The following GLDC variants were observed in gnomAD, a reference collection of about 807,000 sequenced individuals.
The protein encoded by GLDC is glycine dehydrogenase (decarboxylating), mitochondrial.
GLDC carries 104 observed loss-of-function variants against 121.3 expected under a neutral mutation model. That is an observed-to-expected ratio of 0.86 (90% CI 0.73 to 1.01). GLDC has a LOEUF of 1.01. Among genes scored for constraint, GLDC ranks in the 50% least tolerant of loss-of-function variants. GLDC has a pLI of 0.00. For synonymous variants in GLDC, 546 were observed against 480.6 expected (o/e 1.14, Z -1.78); for missense variants, 1,429 against 1,306.6 (o/e 1.09, Z -1.44).
At chr9:6,555,651 G>C (rs1463305355) in intron 18 of GLDC, among the ~76,000 whole-genome samples, 1 of 151,960 alleles carries the variant, frequency 6.6e-6, no homozygotes, top group East Asian at 1.9e-4. Context: ...AATTAGCTGG[G>C]TGTGGCAGCA....
chr9:6,550,432 G>A (rs532470903), intron 21 of GLDC, among the ~76,000 whole-genome samples: 1 of 152,070 alleles, frequency 6.6e-6, no homozygotes, highest in South Asian at 2.1e-4. Context: ...TTCGAGACCA[G>A]CCTGGCCAAT....
intron 2 of GLDC, chr9:6,644,403 A>C (rs1056981596): frequency 3.3e-6 from 2 of 615,096 alleles, no homozygotes; most frequent in Non-Finnish European, 5.8e-6. Flanking sequence ...GAACCGCACA[A>C]CACCGACTCT....
intron 3 of GLDC, among the ~76,000 whole-genome samples, chr9:6,619,145 G>GAAAAAAAAAAAAAAA (rs1563864174): frequency 2.0e-4 from 6 of 30,194 alleles, no homozygotes; most frequent in African/African-American, 9.1e-4. Flanking sequence ...TCTGTCTCAG[G>GAAAAAAAAAAAAAAA]CAAAAAAAAA....
intron 15 of GLDC, chr9:6,569,095 G>A (rs1817904518): frequency 6.6e-6 from 1 of 152,052 alleles, no homozygotes; most frequent in Non-Finnish European, 1.5e-5. Flanking sequence ...ACAGTATTGT[G>A]ATGACTATAA....
chr9:6,602,956 G>A (rs1036563941), intron 7 of GLDC, among the ~76,000 whole-genome samples: 1 of 152,080 alleles, frequency 6.6e-6, no homozygotes, highest in Non-Finnish European at 1.5e-5. Context: ...AGCCGCGCAT[G>A]GTGGCTCATG....
chr9:6,561,364 GT>G (rs1308706452), intron 16 of GLDC, among the ~76,000 whole-genome samples: 2 of 152,118 alleles, frequency 1.3e-5, no homozygotes, highest in Non-Finnish European at 2.9e-5. Flanking sequence ...AAATTGTAGT[GT>G]TGGCCGGGCG....
intron 2 of GLDC, among the ~76,000 whole-genome samples, chr9:6,634,533 A>C (rs948591866): frequency 8.4e-6 from 1 of 119,760 alleles, no homozygotes; most frequent in African/African-American, 3.8e-5. Context: ...TGTCTCAAAC[A>C]AACAAACAAA....
intron 21 of GLDC, among the ~76,000 whole-genome samples, chr9:6,545,158 T>C (rs1437261298): frequency 6.6e-6 from 1 of 152,172 alleles, no homozygotes; most frequent in Admixed American, 6.5e-5. Context: ...TCTTTCCTCA[T>C]TCTAGCAGAA....
rs531648302 is a variant in GLDC at position 6,565,570 on chromosome 9, G to C, written c.1851-141C>G. 1.6e-5 allele frequency: 12 copies of C among 738,614 alleles called. No individual in the cohort carries two copies. The East Asian group carries it at 2.9e-4, about 18-fold the overall frequency. The allele number at this position is 738,614 out of a possible 1,614,324, so 45.8% of individuals were successfully genotyped here. ...CCAGACGCTGAGAGAAGCTCATCAAGGAGCTCTGCTGGAGTCAAAAGGTCT... is the reference window on the plus strand; with the variant it reads ...CCAGACGCTGAGAGAAGCTCATCAACGAGCTCTGCTGGAGTCAAAAGGTCT... On this transcript the variant is annotated intron_variant, in intron 15 of 24. Coordinates refer to ENST00000321612, the MANE Select transcript of GLDC (RefSeq NM_000170.3).
chr9:6,552,379 A>G (rs1315750721), intron 20 of GLDC, among the ~76,000 whole-genome samples: 1 of 152,202 alleles, frequency 6.6e-6, no homozygotes, highest in African/African-American at 2.4e-5. Context: ...GAACCCAGAG[A>G]TCAAAAGGGA....
At chr9:6,553,023 G>T (rs1817548000) in intron 20 of GLDC, among the ~76,000 whole-genome samples, 1 of 152,026 alleles carries the variant, frequency 6.6e-6, no homozygotes, top group Non-Finnish European at 1.5e-5. Context: ...ACTCGGAAGG[G>T]GCTATATAAA....
At chr9:6,595,242 A>G (rs927615117) in intron 8 of GLDC, 123 bp from the exon 9 acceptor site, 5 of 771,448 alleles carry the variant, frequency 6.5e-6, no homozygotes, top group African/African-American at 1.7e-5. Context: ...GATTTCCTAC[A>G]TTCTTTGATA....
At chr9:6,627,968 T>C (rs970833007) in intron 2 of GLDC, among the ~76,000 whole-genome samples, 9 of 152,162 alleles carry the variant, frequency 5.9e-5, no homozygotes, top group African/African-American at 2.2e-4. Flanking sequence ...TGAGTAACTT[T>C]GGTGTCAAGA....
intron 21 of GLDC, among the ~76,000 whole-genome samples, chr9:6,544,810 G>C (rs567609306): frequency 8.2e-4 from 125 of 152,050 alleles, no homozygotes; most frequent in Non-Finnish European, 1.3e-3. Flanking sequence ...CCTTTAAAAT[G>C]TATCAACTTG....
At position 6,606,644 on chromosome 9, in the gene GLDC, C is replaced by T. The variant is rs144043066; in HGVS notation, c.661G>A (p.Val221Ile). 103 of 1,607,292 alleles carry T rather than the reference C, an allele frequency of 6.4e-5. No homozygotes were observed. The highest frequency in any genetic ancestry group is 1.1e-4 in the African/African-American group (8 of 74,548). ...GTCTGTGGGTGGCAACGGGGATCAACGAGAAATTTCCTCCTCTTGTTGTGT... is the reference window on the plus strand; with the variant it reads ...GTCTGTGGGTGGCAACGGGGATCAATGAGAAATTTCCTCCTCTTGTTGTGT... ...YRHNKRRKFL[V>I]DPRCHPQTIA... is the part of the protein sequence containing the mutation. Residue 221 changes from valine (V) to isoleucine (I), a missense_variant, in exon 5 of 25, where the codon GTT becomes ATT. By Grantham distance (29) the Val-to-Ile change is conservative (BLOSUM62 3). Transcript: ENST00000321612.
intron 16 of GLDC, among the ~76,000 whole-genome samples, chr9:6,563,833 T>C (rs1476543291): frequency 6.6e-6 from 1 of 152,050 alleles, no homozygotes; most frequent in African/African-American, 2.4e-5. Flanking sequence ...TTTTCAAAGA[T>C]CTTTAGACAT....
rs79057118 is a variant in GLDC at position 6,604,710 on chromosome 9, G to C, written c.936C>G (p.Ile312Met). Residue 312 changes from isoleucine (I) to methionine (M), a missense_variant, in exon 7 of 25, where the codon ATC (isoleucine) becomes ATG (methionine). By Grantham distance (10) the Ile-to-Met change is conservative. Coordinates refer to ENST00000321612, the MANE Select transcript of GLDC (RefSeq NM_000170.3). ...LRPPGEFGVD[I>M]ALGSSQRFGV... Reference sequence around the variant, plus strand: ...CAAATCTCTGGGAGCTGCCCAGGGCGATGTCTACCCCAAATTCTCCAGGTG... The same window carrying C: ...CAAATCTCTGGGAGCTGCCCAGGGCCATGTCTACCCCAAATTCTCCAGGTG... The C allele has an allele frequency of 1.2e-6, 2 of 1,613,982 alleles. No homozygotes were observed. Among genetic ancestry groups the C allele is most frequent in the East Asian group, 2.2e-5 (1 of 44,892 alleles).
rs1018299730 is a variant in GLDC at position 6,570,503 on chromosome 9, C to T, written c.1851-5074G>A. Among the ~76,000 whole-genome samples the T allele has an allele frequency of 3.3e-5, 5 of 152,020 alleles. No homozygotes were observed. In the East Asian group the frequency reaches 9.6e-4, roughly 29 times the overall value. ...TTAGTGTGTGATTTCAGTGAAGTTCCCATTGAAGTTATTTATAAGCAGTGG... is the reference window on the plus strand; with the variant it reads ...TTAGTGTGTGATTTCAGTGAAGTTCTCATTGAAGTTATTTATAAGCAGTGG... On this transcript the variant is annotated intron_variant, in intron 15 of 24. Coordinates refer to ENST00000321612, the MANE Select transcript of GLDC (RefSeq NM_000170.3).
At chr9:6,635,338 A>G (rs1029144549) in intron 2 of GLDC, among the ~76,000 whole-genome samples, 3 of 152,208 alleles carry the variant, frequency 2.0e-5, no homozygotes, top group Non-Finnish European at 4.4e-5. Context: ...TAACCCACTG[A>G]TAACAAAGGT....
Sources: allele counts gnomAD v4.1 joint callset (sites outside exome capture counted in the v4.1 genomes callset), GRCh38; gene constraint gnomAD v4.1.1; transcripts MANE v1.5; gene names NCBI Gene and HGNC (gene_info 2026-07-23, HGNC 2026-07-21).